The following ABCD2 variants were observed in gnomAD, a reference collection of about 807,000 sequenced individuals.
The protein encoded by ABCD2 is ATP binding cassette subfamily D member 2.
In ABCD2, 36 loss-of-function variants were observed where a neutral mutation model predicts 70.9. The ratio of observed to expected loss-of-function variants is 0.51; its 90% CI spans 0.39 to 0.67. ABCD2 has a LOEUF of 0.67. Among genes scored for constraint, ABCD2 ranks in the 30% least tolerant of loss-of-function variants. The pLI, the probability that ABCD2 is intolerant of heterozygous loss-of-function variation, is 0.00. For missense variants in ABCD2, 729 were observed against 890.2 expected (o/e 0.82, Z 2.30); for synonymous variants, 304 against 306.9 (o/e 0.99, Z 0.10).
At chr12:39,565,111 G>A (rs1450050585) in intron 9 of ABCD2, among the ~76,000 whole-genome samples, 1 of 152,086 alleles carries the variant, frequency 6.6e-6, no homozygotes, top group Non-Finnish European at 1.5e-5. Flanking sequence ...TGGCAATATG[G>A]GCTCTTTTTT....
intron 9 of ABCD2, among the ~76,000 whole-genome samples, chr12:39,562,005 T>C (rs1453859196): frequency 2.6e-5 from 4 of 152,110 alleles, no homozygotes; most frequent in African/African-American, 9.7e-5. Flanking sequence ...CTCTCTTGAA[T>C]GATATAAACC....
chr12:39,604,038 A>T (rs759441037), intron 4 of ABCD2, 32 bp from the exon 5 acceptor site: 2 of 1,425,816 alleles, frequency 1.4e-6, no homozygotes, highest in African/African-American at 1.4e-5. Context: ...AGATACAAAC[A>T]TTATCACAGG....
chr12:39,532,325 G>A, the ABCD2 span, among the ~76,000 whole-genome samples: 2 of 152,202 alleles, frequency 1.3e-5, no homozygotes, highest in Non-Finnish European at 2.9e-5. Context: ...CTAGGTAATA[G>A]AACTTTAAAA....
rs764905603 is a variant in ABCD2 at position 39,569,024 on chromosome 12, T to C, written c.2003+4692A>G. Among the ~76,000 whole-genome samples the C allele has an allele frequency of 6.8e-4, 103 of 152,148 alleles. 2 individuals carry two copies. Among genetic ancestry groups the C allele is most frequent in the Non-Finnish European group, 7.2e-4 (49 of 68,032 alleles). ...GAGGAGTACCCAGCTGTGTGTGGTG[T>C]AAGTCTGCCCCTACTTGGGGGTGCA... is the stretch of plus-strand genomic sequence containing the variant. On this transcript the variant is annotated intron_variant, in intron 9 of 9. Transcript: ENST00000308666.
intron 6 of ABCD2, among the ~76,000 whole-genome samples, chr12:39,596,961 T>C (rs1208768491): frequency 3.3e-5 from 5 of 152,146 alleles, no homozygotes; most frequent in East Asian, 1.9e-4. Context: ...ATACAAATAC[T>C]ATGCATTGGT....
intron 9 of ABCD2, among the ~76,000 whole-genome samples, chr12:39,564,637 G>C (rs367607998): frequency 5.3e-5 from 8 of 152,140 alleles, no homozygotes; most frequent in African/African-American, 1.2e-4. Flanking sequence ...AGTTTAATTA[G>C]ATCCCATTTG....
chr12:39,559,428 A>AGAAGGAG (rs1941220335), intron 9 of ABCD2, among the ~76,000 whole-genome samples: 1 of 151,806 alleles, frequency 6.6e-6, no homozygotes, highest in Non-Finnish European at 1.5e-5. Flanking sequence ...TTGGTATTCA[A>AGAAGGAG]GAAGGAGTTA....
intron 9 of ABCD2, among the ~76,000 whole-genome samples, chr12:39,571,040 C>G (rs1941440613): frequency 2.0e-5 from 3 of 152,086 alleles, no homozygotes; most frequent in Non-Finnish European, 1.5e-5. Flanking sequence ...TCACCTCACT[C>G]TTGTCAGAAT....
the ABCD2 span, among the ~76,000 whole-genome samples, chr12:39,541,806 T>C: frequency 6.6e-6 from 1 of 152,132 alleles, no homozygotes; most frequent in Non-Finnish European, 1.5e-5. Context: ...AGTATTACCA[T>C]ATAGTATGAG....
intron 6 of ABCD2, among the ~76,000 whole-genome samples, chr12:39,595,170 A>C (rs920096145): frequency 2.0e-5 from 3 of 152,228 alleles, no homozygotes; most frequent in South Asian, 2.1e-4. Context: ...GAAAGTTGGG[A>C]AAGTAATACA....
At chr12:39,613,385 C>CAAAAAAAAA (rs71075064) in intron 2 of ABCD2, among the ~76,000 whole-genome samples, 4 of 23,612 alleles carry the variant, frequency 1.7e-4, no homozygotes, top group African/African-American at 3.1e-4. Context: ...GACTCCGTCT[C>CAAAAAAAAA]AAAAAAAAAA....
chr12:39,619,473 C>T lies in ABCD2; in HGVS notation c.143G>A (p.Gly48Asp), dbSNP rs1942164772. ...AGCTGCTGCTTTTTTCTTCCCGTGGCCAGATTGCTTTAAACGCTTGCCAAT... is the reference window on the plus strand; with the variant it reads ...AGCTGCTGCTTTTTTCTTCCCGTGGTCAGATTGCTTTAAACGCTTGCCAAT... Reference protein sequence around the residue: ...PIIGKRLKQSGHGKKKAAAYP... With the variant: ...PIIGKRLKQSDHGKKKAAAYP... Residue 48 changes from glycine (G) to aspartate (D), a missense_variant, in exon 1 of 10, where the codon GGC becomes GAC. Physicochemically the swap from Gly to Asp is moderately conservative, Grantham distance 94 (BLOSUM62 -1). Transcript: ENST00000308666. 3.1e-6 allele frequency: 5 copies of T among 1,613,696 alleles called. No homozygotes were observed. Among genetic ancestry groups the T allele is most frequent in the Non-Finnish European group, 4.2e-6 (5 of 1,179,982 alleles).
At chr12:39,584,877 G>C (rs1193163003) in intron 7 of ABCD2, among the ~76,000 whole-genome samples, 1 of 152,070 alleles carries the variant, frequency 6.6e-6, no homozygotes, top group Non-Finnish European at 1.5e-5. Context: ...ATTGGTCTCT[G>C]TGCCTGTTTT....
the ABCD2 span, among the ~76,000 whole-genome samples, chr12:39,538,987 C>T: frequency 6.6e-6 from 1 of 152,146 alleles, no homozygotes; most frequent in African/African-American, 2.4e-5. Context: ...GGCCTCAGCC[C>T]GCCTGCACCC....
rs143197357 is a variant in ABCD2, at chr12:39,579,593, C to T, written c.1819G>A (p.Asp607Asn). 1.9e-3 allele frequency: 3,007 copies of T among 1,612,504 alleles called. 4 individuals are homozygous for T. The highest frequency in any genetic ancestry group is 2.4e-3 in the Non-Finnish European group (2,869 of 1,179,002). Residue 607 changes from aspartate (D) to asparagine (N), a missense_variant, in exon 8 of 10, where the codon GAT (aspartate) becomes AAT (asparagine). Transcript: ENST00000308666. ...GGWDAVMDWK[D>N]VLSGGEKQRM... Reference sequence around the variant, plus strand: ...TGCTTTTCCCCTCCTGACAGGACATCTTTCCAGTCCATAACAGCATCCCAT... The same window carrying T: ...TGCTTTTCCCCTCCTGACAGGACATTTTTCCAGTCCATAACAGCATCCCAT...
At position 39,588,409 on chromosome 12, in the gene ABCD2, C is replaced by T. The variant is rs140294097; in HGVS notation, c.1647-2112G>A. On this transcript the variant is annotated intron_variant, in intron 6 of 9. Transcript: ENST00000308666. ...AGATGAGTCCTAAATCCAATAAATG[C>T]TCTTATCAAATGAGAAGAAACACAG... 2.1e-3 allele frequency among the ~76,000 whole-genome samples: 324 copies of T among 152,146 alleles called. 1 individual carries two copies. The highest frequency in any genetic ancestry group is 3.8e-3 in the Non-Finnish European group (257 of 68,002).
chr12:39,617,008 G>T lies in ABCD2; in HGVS notation c.1100C>A (p.Ala367Glu). 6.3e-7 allele frequency: 1 copy of T among 1,596,742 alleles called. No homozygotes were observed. Among genetic ancestry groups the T allele is most frequent in the East Asian group, 2.2e-5 (1 of 44,550 alleles). Residue 367 changes from alanine to glutamate, a missense_variant, in exon 2 of 10, where the codon GCA becomes GAA. Physicochemically the swap from Ala to Glu is moderately radical, Grantham distance 107. Transcript: ENST00000308666. ...LIMVAIPIIT[A>E]TGFADGEDGQ... ...ATTACCACCATCTGCAAAGCCAGTT[G>T]CAGTGATAATAGGTATAGCCACCAT...
chr12:39,563,165 C>A (rs866393084), intron 9 of ABCD2, among the ~76,000 whole-genome samples: 3 of 152,064 alleles, frequency 2.0e-5, no homozygotes, highest in Non-Finnish European at 2.9e-5. Context: ...CATAGCTCAA[C>A]AAAATAAAGA....
At chr12:39,597,619 A>C (rs1013906592) in intron 6 of ABCD2, among the ~76,000 whole-genome samples, 6 of 152,166 alleles carry the variant, frequency 3.9e-5, no homozygotes, top group African/African-American at 1.4e-4. Context: ...CAGCTTAAGG[A>C]GTACATTCAC....
Sources: allele counts gnomAD v4.1 joint callset (sites outside exome capture counted in the v4.1 genomes callset), GRCh38; gene constraint gnomAD v4.1.1; transcripts MANE v1.5; gene names NCBI Gene and HGNC (gene_info 2026-07-23, HGNC 2026-07-21).